Variants in STARD13 observed in about 807,000 individuals in gnomAD.
STARD13 encodes StAR related lipid transfer domain containing 13.
A neutral mutation model predicts 106.4 loss-of-function variants in STARD13; 62 were observed. The observed-to-expected ratio is 0.58, with a 90% CI of 0.48 to 0.72. The LOEUF is 0.72. STARD13 is among the 30% of genes least tolerant of loss of function. The probability of loss-of-function intolerance (pLI) is 0.00; values close to 1 mark genes in which losing one functional copy is unlikely to be tolerated. For missense variants in STARD13, 1,387 were observed against 1,424.0 expected (o/e 0.97, Z 0.42); for synonymous variants, 565 against 553.0 (o/e 1.02, Z -0.31).
the STARD13 span, among the ~76,000 whole-genome samples, chr13:33,625,064 T>C: frequency 3.3e-5 from 5 of 152,336 alleles, no homozygotes; most frequent in Admixed American, 2.0e-4. Context: ...GTTCTTTTGC[T>C]TCCTGTCCCT....
intron 1 of STARD13, among the ~76,000 whole-genome samples, chr13:33,210,629 T>C (rs1441140976): frequency 1.3e-5 from 2 of 152,244 alleles, no homozygotes. Flanking sequence ...TATAGGTGAT[T>C]ACGACTACAC....
At chr13:33,435,396 T>C in the STARD13 span, among the ~76,000 whole-genome samples, 1 of 152,156 alleles carries the variant, frequency 6.6e-6, no homozygotes, top group Non-Finnish European at 1.5e-5. Flanking sequence ...GAGGGAAAGA[T>C]TGTATTTTAA....
the STARD13 span, among the ~76,000 whole-genome samples, chr13:33,505,778 G>A: frequency 2.6e-5 from 4 of 152,100 alleles, no homozygotes; most frequent in African/African-American, 9.7e-5. Flanking sequence ...ATGCTCATGA[G>A]TCCTTTTATG....
At chr13:33,141,339 T>C (rs1879804782) in intron 4 of STARD13, among the ~76,000 whole-genome samples, 1 of 152,196 alleles carries the variant, frequency 6.6e-6, no homozygotes, top group African/African-American at 2.4e-5. Flanking sequence ...TTACCTTCCT[T>C]ATAGAGAAAA....
At chr13:33,670,531 G>A in the STARD13 span, among the ~76,000 whole-genome samples, 1 of 152,148 alleles carries the variant, frequency 6.6e-6, no homozygotes. Context: ...TCTTATATTT[G>A]TCACAGTTAC....
chr13:33,164,280 C>A (rs531824090), intron 3 of STARD13: 1 of 152,144 alleles, frequency 6.6e-6, no homozygotes, highest in African/African-American at 2.4e-5. Context: ...TATGTATATA[C>A]GTGTCTGAAG....
exon 1 of STARD13, chr13:33,350,583 C>G: frequency 7.2e-7 from 1 of 1,387,942 alleles, no homozygotes; most frequent in East Asian, 2.9e-5. Context: ...CTGCGCCACG[C>G]GCGAGGACCG....
chr13:33,349,871 G>A (rs1811775218), intron 1 of STARD13, among the ~76,000 whole-genome samples: 1 of 152,222 alleles, frequency 6.6e-6, no homozygotes, highest in South Asian at 2.1e-4. Flanking sequence ...CAGTGGATGT[G>A]TCCCACGTGG....
chr13:33,503,528 A>G, the STARD13 span, among the ~76,000 whole-genome samples: 242 of 152,290 alleles, frequency 1.6e-3, no homozygotes, highest in African/African-American at 5.4e-3. Context: ...TAGTGCTATA[A>G]ATTTCCCTCT....
upstream of STARD13, among the ~76,000 whole-genome samples, chr13:33,352,771 C>T (rs374211587): frequency 3.9e-5 from 6 of 152,218 alleles, no homozygotes; most frequent in African/African-American, 1.2e-4. Context: ...CAGATGGAGC[C>T]GCCACAAATG....
At chr13:33,161,111 C>T (rs904450866) in intron 3 of STARD13, among the ~76,000 whole-genome samples, 1 of 152,066 alleles carries the variant, frequency 6.6e-6, no homozygotes, top group South Asian at 2.1e-4. Context: ...AAACACATAG[C>T]AACATAAATG....
chr13:33,111,527 C>G (rs985785078), intron 10 of STARD13, among the ~76,000 whole-genome samples: 1 of 152,202 alleles, frequency 6.6e-6, no homozygotes, highest in Admixed American at 6.5e-5. Context: ...GGCCTTGAAC[C>G]TGATAATGGC....
At chr13:33,391,652 T>C in the STARD13 span, among the ~76,000 whole-genome samples, 1 of 152,132 alleles carries the variant, frequency 6.6e-6, no homozygotes, top group South Asian at 2.1e-4. Context: ...TAAAGACACT[T>C]AGGACAGCTC....
the STARD13 span, among the ~76,000 whole-genome samples, chr13:33,577,805 T>C: frequency 1.3e-5 from 2 of 152,256 alleles, no homozygotes; most frequent in South Asian, 4.1e-4. Flanking sequence ...TTGGGTTTGA[T>C]GATGACTTTT....
the STARD13 span, chr13:33,511,474 A>C: frequency 6.6e-6 from 1 of 152,156 alleles, no homozygotes; most frequent in African/African-American, 2.4e-5. Flanking sequence ...GGTCACAAAG[A>C]TCTGTATTAG....
chr13:33,211,837 G>A (rs1317809218), intron 1 of STARD13, among the ~76,000 whole-genome samples: 2 of 149,074 alleles, frequency 1.3e-5, no homozygotes, highest in Non-Finnish European at 3.0e-5. Context: ...ATGTGTGTGT[G>A]TGTGTGTGTG....
chr13:33,660,459 G>C, the STARD13 span, among the ~76,000 whole-genome samples: 4 of 152,166 alleles, frequency 2.6e-5, no homozygotes, highest in African/African-American at 9.7e-5. Flanking sequence ...TTCCCTTGCT[G>C]GTACTGATCA....
intron 1 of STARD13, among the ~76,000 whole-genome samples, chr13:33,339,326 T>TA (rs1293168049): frequency 6.6e-6 from 1 of 152,202 alleles, no homozygotes; most frequent in Non-Finnish European, 1.5e-5. Flanking sequence ...CATCATGCCC[T>TA]AATACCACCA....
the STARD13 span, among the ~76,000 whole-genome samples, chr13:33,375,864 C>A: frequency 6.6e-6 from 1 of 152,054 alleles, no homozygotes; most frequent in Non-Finnish European, 1.5e-5. Flanking sequence ...CCAAAAAATG[C>A]CCTGGTTTGG....
Sources: allele counts gnomAD v4.1 joint callset (sites outside exome capture counted in the v4.1 genomes callset), GRCh38; gene constraint gnomAD v4.1.1; transcripts MANE v1.5; gene names NCBI Gene and HGNC (gene_info 2026-07-23, HGNC 2026-07-21).